The following PTBP2 variants were observed in gnomAD, a reference collection of about 807,000 sequenced individuals.
PTBP2 encodes polypyrimidine tract binding protein 2, also known as polypyrimidine tract-binding protein 2.
In PTBP2, 13 loss-of-function variants were observed where a neutral mutation model predicts 61.4. The ratio of observed to expected loss-of-function variants is 0.21; its 90% CI spans 0.14 to 0.34. PTBP2 has a LOEUF of 0.34. PTBP2 is among the 10% of genes least tolerant of loss of function. The pLI is 1.00. For synonymous variants in PTBP2, 215 were observed against 218.5 expected (o/e 0.98, Z 0.14); for missense variants, 405 against 642.6 (o/e 0.63, Z 4.00).
At chr1:96,722,660 A>G (rs1022913648) in intron 1 of PTBP2, among the ~76,000 whole-genome samples, 4 of 152,240 alleles carry the variant, frequency 2.6e-5, no homozygotes, top group Non-Finnish European at 2.9e-5. Context: ...GCCAACAGCA[A>G]TGGCAGAAAC....
At chr1:96,722,996 G>A (rs970016094) in intron 1 of PTBP2, among the ~76,000 whole-genome samples, 3 of 152,144 alleles carry the variant, frequency 2.0e-5, no homozygotes, top group South Asian at 2.1e-4. Flanking sequence ...AGTATTTGAA[G>A]AATCAACAAT....
intron 2 of PTBP2, among the ~76,000 whole-genome samples, chr1:96,734,959 C>G (rs1196894026): frequency 1.4e-5 from 2 of 147,750 alleles, no homozygotes; most frequent in African/African-American, 5.0e-5. Flanking sequence ...GCCCTGTTGC[C>G]CAGGCTGGAG....
chr1:96,773,672 TC>T (rs1180228227), intron 5 of PTBP2, among the ~76,000 whole-genome samples: 2 of 152,094 alleles, frequency 1.3e-5, no homozygotes, highest in African/African-American at 4.8e-5. Flanking sequence ...TCAACAAAAC[TC>T]CCTTTAGAAT....
At chr1:96,755,267 G>C (rs553146015) in intron 3 of PTBP2, among the ~76,000 whole-genome samples, 1 of 152,236 alleles carries the variant, frequency 6.6e-6, no homozygotes, top group East Asian at 1.9e-4. Flanking sequence ...TTAGTTATTA[G>C]GGAAATGAAA....
intron 2 of PTBP2, among the ~76,000 whole-genome samples, chr1:96,746,232 A>C (rs1653748144): frequency 6.6e-6 from 1 of 152,146 alleles, no homozygotes; most frequent in African/African-American, 2.4e-5. Flanking sequence ...AAACTTTATG[A>C]GACAGTACTA....
At chr1:96,765,470 G>A (rs1404289807) in intron 3 of PTBP2, among the ~76,000 whole-genome samples, 1 of 152,152 alleles carries the variant, frequency 6.6e-6, no homozygotes, top group Non-Finnish European at 1.5e-5. Context: ...CAGCACTTTG[G>A]GAGGCTGAGG....
chr1:96,762,548 C>G (rs572737844), intron 3 of PTBP2, among the ~76,000 whole-genome samples: 1,518 of 143,100 alleles, frequency 0.011, 54 homozygotes, highest in African/African-American at 0.038. Context: ...TGGGGGCTGA[C>G]CCCCCGACCT....
intron 2 of PTBP2, among the ~76,000 whole-genome samples, chr1:96,738,128 A>T (rs1043371661): frequency 6.6e-6 from 1 of 152,108 alleles, no homozygotes; most frequent in Non-Finnish European, 1.5e-5. Context: ...TGTGTTTGCT[A>T]TTTGTTTTAA....
intron 2 of PTBP2, among the ~76,000 whole-genome samples, chr1:96,738,662 T>C (rs1167721311): frequency 6.6e-6 from 1 of 152,208 alleles, no homozygotes; most frequent in African/African-American, 2.4e-5. Flanking sequence ...CTTGCATGAT[T>C]GTTGTGAAGA....
At chr1:96,793,838 T>TA (rs1660099071) in intron 8 of PTBP2, among the ~76,000 whole-genome samples, 1 of 152,134 alleles carries the variant, frequency 6.6e-6, no homozygotes, top group Non-Finnish European at 1.5e-5. Flanking sequence ...GTAAAGGAAA[T>TA]ATGTTTGATG....
intron 8 of PTBP2, among the ~76,000 whole-genome samples, chr1:96,788,671 T>A (rs1659465870): frequency 6.6e-6 from 1 of 152,062 alleles, no homozygotes; most frequent in Admixed American, 6.5e-5. Context: ...AAGGTGATAC[T>A]CTTTTGCTAA....
In PTBP2 at chr1:96,777,678, G is replaced by T; in HGVS notation, c.526G>T (p.Ala176Ser). Residue 176 changes from alanine (A) to serine (S), a missense_variant, in exon 6 of 14, where the codon GCC becomes TCC. This residue lies in a region of PTBP2 where 342 missense variants were observed against 491.2 expected (regional missense o/e 0.70). Coordinates refer to ENST00000674951, the MANE Select transcript of PTBP2 (RefSeq NM_021190.4). ...AGTTAGCGAGAGTGCAGTGACTCCA[G>T]CCCAGAGTCCAGTACTTAGAATAAT... is the stretch of plus-strand genomic sequence containing the variant. ...TTVSESAVTP[A>S]QSPVLRIIID... The T allele has an allele frequency of 6.2e-7, 1 of 1,613,282 alleles. No homozygotes were observed. Among genetic ancestry groups the T allele is most frequent in the South Asian group, 1.1e-5 (1 of 91,038 alleles).
intron 3 of PTBP2, among the ~76,000 whole-genome samples, chr1:96,768,688 A>T (rs12749680): frequency 0.29 from 44,336 of 151,816 alleles, 7,220 homozygotes; most frequent in East Asian, 0.46. Context: ...AAGACAGTTA[A>T]CTAATTTGTT....
intron 2 of PTBP2, among the ~76,000 whole-genome samples, chr1:96,726,718 T>C (rs915515573): frequency 6.6e-6 from 1 of 152,142 alleles, no homozygotes; most frequent in Non-Finnish European, 1.5e-5. Flanking sequence ...ATTACAAGCG[T>C]GAGCCACCGC....
chr1:96,725,307 T>G (rs1650256741), intron 2 of PTBP2, among the ~76,000 whole-genome samples: 2 of 151,204 alleles, frequency 1.3e-5, no homozygotes, highest in African/African-American at 4.9e-5. Context: ...ACCAGTTTTT[T>G]TTTTTTTTTT....
At chr1:96,740,025 G>T (rs777268684) in intron 2 of PTBP2, among the ~76,000 whole-genome samples, 2 of 152,056 alleles carry the variant, frequency 1.3e-5, no homozygotes, top group African/African-American at 2.4e-5. Context: ...GGTTGTGTTT[G>T]TCCTTTTGTG....
At chr1:96,743,179 C>G (rs924657234) in intron 2 of PTBP2, among the ~76,000 whole-genome samples, 1 of 151,184 alleles carries the variant, frequency 6.6e-6, no homozygotes, top group East Asian at 2.0e-4. Flanking sequence ...CCCAGCTACT[C>G]GGGAGGCTGA....
At chr1:96,780,236 C>T (rs989958019) in intron 7 of PTBP2, among the ~76,000 whole-genome samples, 1 of 150,296 alleles carries the variant, frequency 6.7e-6, no homozygotes, top group Non-Finnish European at 1.5e-5. Context: ...TCATTTATTT[C>T]TCTCTATATT....
intron 3 of PTBP2, among the ~76,000 whole-genome samples, chr1:96,754,344 C>T (rs908566192): frequency 1.3e-5 from 2 of 152,034 alleles, no homozygotes; most frequent in Admixed American, 1.3e-4. Context: ...TTTATGTAAA[C>T]AACAACTTTG....
Sources: allele counts gnomAD v4.1 joint callset (sites outside exome capture counted in the v4.1 genomes callset), GRCh38; gene constraint gnomAD v4.1.1; regional missense constraint gnomAD v4.1.1; transcripts MANE v1.5; gene names NCBI Gene and HGNC (gene_info 2026-07-23, HGNC 2026-07-21).